CEP85: variants seen among roughly 807,000 people sequenced by gnomAD.
CEP85 encodes the protein centrosomal protein 85, also known as centrosomal protein of 85 kDa.
Under a neutral mutation model 93.7 loss-of-function variants are expected in CEP85, and 58 were observed. The ratio of observed to expected loss-of-function variants is 0.62; its 90% CI spans 0.50 to 0.77. CEP85 has a LOEUF of 0.77. Ranked by LOEUF, CEP85 falls within the 30% of genes least tolerant of loss-of-function variation. CEP85 has a pLI of 0.00. For missense variants in CEP85, 868 were observed against 922.0 expected (o/e 0.94, Z 0.76); for synonymous variants, 314 against 338.6 (o/e 0.93, Z 0.80).
chr1:26,269,314 C>T (rs752988830), intron 8 of CEP85, 146 bp from the exon 9 acceptor site: 7 of 701,854 alleles, frequency 1.0e-5, no homozygotes, highest in South Asian at 1.8e-5. Context: ...CTGCGAGGAG[C>T]ACCCTTTCTG....
Position 26,277,500 on chromosome 1 carries a change from CTA to C in CEP85, c.*208_*209del. ...ATTACGTTTGTCCTGTTAATTCACTCTAGACGGTGAGTTACTAATTAACTTTT... is the reference window on the plus strand; with the variant it reads ...ATTACGTTTGTCCTGTTAATTCACTCGACGGTGAGTTACTAATTAACTTTT... On this transcript the variant is annotated 3_prime_UTR_variant, in exon 14 of 14. Coordinates refer to ENST00000451429, the MANE Select transcript of CEP85 (RefSeq NM_001319944.2). The C allele has an allele frequency of 1.9e-6, 1 of 532,126 alleles. No individual in the cohort carries two copies. The highest frequency in any genetic ancestry group is 3.4e-6 in the Non-Finnish European group (1 of 292,696). The allele number at this position is 532,126 out of a possible 1,614,324, so 33.0% of individuals were successfully genotyped here. A position where few individuals can be genotyped will look rare whatever the true frequency, so the allele number is the denominator to read the frequency against.
At chr1:26,245,360 C>T (rs550060571) in intron 3 of CEP85, among the ~76,000 whole-genome samples, 2 of 152,120 alleles carry the variant, frequency 1.3e-5, no homozygotes, top group South Asian at 4.2e-4. Context: ...GATACTGGGG[C>T]TCTTTTTTTC....
At chr1:26,252,110 A>G (rs1370279781) in intron 3 of CEP85, among the ~76,000 whole-genome samples, 1 of 152,092 alleles carries the variant, frequency 6.6e-6, no homozygotes, top group Non-Finnish European at 1.5e-5. Context: ...GGGCTCCTGT[A>G]ATCCCAGCTA....
In CEP85 at chr1:26,244,291, G is replaced by A. The variant is rs753895345; in HGVS notation, c.181G>A (p.Gly61Ser). 3.1e-6 allele frequency: 5 copies of A among 1,613,978 alleles called. No homozygotes were observed. The Admixed American group carries it at 8.3e-5, about 27-fold the overall frequency. ...AGCCGACAGTGGGGACACAGCCATTGGTACATCATGCTCAGATATTGCGGA... is the reference window on the plus strand; with the variant it reads ...AGCCGACAGTGGGGACACAGCCATTAGTACATCATGCTCAGATATTGCGGA... The part of the protein sequence containing the change: ...SVADSGDTAI[G>S]TSCSDIAEDF... The change falls in exon 3 of 14, where the codon GGT becomes AGT. Residue 61 changes from glycine (G) to serine (S), a missense_variant. Physicochemically the swap from Gly to Ser is moderately conservative, Grantham distance 56. Transcript: ENST00000451429.
At chr1:26,248,560 A>G (rs1032277325) in intron 3 of CEP85, among the ~76,000 whole-genome samples, 1 of 151,816 alleles carries the variant, frequency 6.6e-6, no homozygotes, top group Non-Finnish European at 1.5e-5. Context: ...CAGTGGCCCA[A>G]TCTCGGCTCA....
intron 11 of CEP85, 60 bp from the exon 12 acceptor site, chr1:26,274,904 T>C: frequency 1.5e-6 from 2 of 1,349,412 alleles, no homozygotes; most frequent in Non-Finnish European, 1.0e-6. Context: ...GCGGTGATAT[T>C]GTCTGAACCA....
chr1:26,278,785 A>G lies in CEP85; in HGVS notation c.*1492A>G, dbSNP rs1190565087. On this transcript the variant is annotated 3_prime_UTR_variant, in exon 14 of 14. Coordinates refer to ENST00000451429, the MANE Select transcript of CEP85 (RefSeq NM_001319944.2). ...TTTGTTTGTATTGCGTATTTTGATT[A>G]TAAAATAAAGTATCTTAACAGACTC... The G allele has an allele frequency of 6.6e-6, 1 of 152,456 alleles. No individual in the cohort carries two copies. Among genetic ancestry groups the G allele is most frequent in the Non-Finnish European group, 1.5e-5 (1 of 68,040 alleles). 9.4% of individuals were successfully genotyped at this position (152,456 alleles called of 1,614,324 possible).
At chr1:26,274,542 C>T (rs1221463062) in intron 11 of CEP85, among the ~76,000 whole-genome samples, 1 of 152,166 alleles carries the variant, frequency 6.6e-6, no homozygotes, top group Non-Finnish European at 1.5e-5. Context: ...AGATTGAAGA[C>T]AGCTCAGGTG....
At chr1:26,248,750 C>T (rs1305876237) in intron 3 of CEP85, among the ~76,000 whole-genome samples, 4 of 29,266 alleles carry the variant, frequency 1.4e-4, no homozygotes, top group African/African-American at 3.6e-4. Context: ...TTTTTGAGAC[C>T]GAGTCTCGCT....
chr1:26,239,962 C>A, intron 2 of CEP85, 124 bp downstream of exon 2: 1 of 698,476 alleles, frequency 1.4e-6, no homozygotes, highest in Non-Finnish European at 2.5e-6. Context: ...ATAAAAATAA[C>A]ATGGGGCTTC....
At chr1:26,257,001 G>A (rs887312178) in intron 4 of CEP85, among the ~76,000 whole-genome samples, 2 of 147,518 alleles carry the variant, frequency 1.4e-5, no homozygotes, top group African/African-American at 5.0e-5. Context: ...CATGATCTTG[G>A]CTCACTGCAA....
chr1:26,262,175 C>T (rs1020394061), intron 7 of CEP85, among the ~76,000 whole-genome samples: 3 of 152,056 alleles, frequency 2.0e-5, no homozygotes, highest in East Asian at 1.9e-4. Context: ...GGGGTGGTGG[C>T]GCACGCCTAT....
intron 7 of CEP85, among the ~76,000 whole-genome samples, chr1:26,265,687 A>G (rs2089882902): frequency 6.6e-6 from 1 of 152,040 alleles, no homozygotes; most frequent in African/African-American, 2.4e-5. Context: ...GGAGGAGCAG[A>G]TTTTCTTCCC....
At chr1:26,246,423 TG>T (rs1163790462) in intron 3 of CEP85, among the ~76,000 whole-genome samples, 44 of 152,298 alleles carry the variant, frequency 2.9e-4, no homozygotes, top group Admixed American at 2.9e-3. Context: ...AATGAAATAC[TG>T]GTACATGCTA....
Position 26,255,127 on chromosome 1 carries a change from T to C in CEP85, c.209-44T>C, listed in dbSNP as rs2089675151. 19 of 1,515,460 alleles carry C rather than the reference T, an allele frequency of 1.3e-5. No homozygotes were observed. The South Asian group carries it at 1.7e-4, about 14-fold the overall frequency. The allele number at this position is 1,515,460 out of a possible 1,614,324, so 93.9% of individuals were successfully genotyped here. A position where few individuals can be genotyped will look rare whatever the true frequency, so the allele number is the denominator to read the frequency against. ...GCATAGCATTCAAACTCAAGAAAGC[T>C]TGCTACTTCAATTTTTACTTATGGA... is the stretch of plus-strand genomic sequence containing the variant. On this transcript the variant is annotated intron_variant, in intron 3 of 13. Transcript: ENST00000451429.
chr1:26,250,925 C>CCTTTTTTTTTTTTT (rs2089598435), intron 3 of CEP85, among the ~76,000 whole-genome samples: 33 of 55,160 alleles, frequency 6.0e-4, no homozygotes, highest in African/African-American at 1.9e-3. Flanking sequence ...TTTTTTTTTT[C>CCTTTTTTTTTTTTT]TTTTTTCTTT....
At chr1:26,275,472 G>GGT (rs2090040696) in intron 12 of CEP85, among the ~76,000 whole-genome samples, 1 of 151,982 alleles carries the variant, frequency 6.6e-6, no homozygotes, top group Admixed American at 6.6e-5. Context: ...GTTGAGGTGG[G>GGT]GTTTCACCAT....
chr1:26,240,044 A>G (rs1019370304), intron 2 of CEP85, among the ~76,000 whole-genome samples: 1 of 152,224 alleles, frequency 6.6e-6, no homozygotes, highest in Non-Finnish European at 1.5e-5. Context: ...CAACAGGACC[A>G]CGTGGTTGGG....
chr1:26,262,143 T>C (rs2089819715), intron 7 of CEP85, among the ~76,000 whole-genome samples: 1 of 151,964 alleles, frequency 6.6e-6, no homozygotes, highest in Admixed American at 6.6e-5. Flanking sequence ...CCATCTCTAC[T>C]AAAAATACAA....
Sources: gnomAD v4.1 joint callset for allele counts (sites outside exome capture counted in the v4.1 genomes callset) on GRCh38, gnomAD v4.1.1 for gene constraint, MANE v1.5 for transcripts, NCBI Gene and HGNC (gene_info 2026-07-23, HGNC 2026-07-21) for gene names.